The following CTSL variants were observed in gnomAD, a reference collection of about 807,000 sequenced individuals.
CTSL encodes procathepsin L.
In CTSL, 23 loss-of-function variants were observed where a neutral mutation model predicts 34.7. The ratio of observed to expected loss-of-function variants is 0.66; its 90% CI spans 0.48 to 0.94. CTSL has a LOEUF of 0.94. Among genes scored for constraint, CTSL ranks in the 40% least tolerant of loss-of-function variants. The pLI, the probability that CTSL is intolerant of heterozygous loss-of-function variation, is 0.00. For synonymous variants in CTSL, 129 were observed against 136.7 expected, an observed-to-expected ratio of 0.94 and a Z score of 0.39; for missense variants, 361 against 406.3, an observed-to-expected ratio of 0.89 and a Z score of 0.96.
intron 6 of CTSL, 111 bp downstream of exon 6, chr9:87,729,846 A>G: frequency 9.6e-7 from 1 of 1,038,960 alleles, no homozygotes; most frequent in Non-Finnish European, 1.4e-6. Flanking sequence ...TTAGGTGCTT[A>G]GCATCATAGT....
Position 87,728,036 on chromosome 9 carries a change from G to A in CTSL, c.136G>A (p.Gly46Arg). The A allele has an allele frequency of 6.2e-7, 1 of 1,613,736 alleles. No homozygotes were observed. The highest frequency in any genetic ancestry group is 8.5e-7 in the Non-Finnish European group (1 of 1,179,884). The change falls in exon 3 of 8, where the codon GGA (glycine) becomes AGA (arginine). Residue 46 changes from glycine (G) to arginine (R), a missense_variant. Coordinates refer to ENST00000343150, the MANE Select transcript of CTSL (RefSeq NM_001912.5). The stretch of plus-strand genomic sequence containing the variant: ...ACATGTTTGCCTCTAGAATGAAGAA[G>A]GATGGAGGAGAGCAGTGTGGGAGAA... ...HNRLYGMNEE[G>R]WRRAVWEKNM...
In CTSL at chr9:87,731,226, AGT is replaced by A; in HGVS notation, c.*123_*124del. 1.6e-6 allele frequency: 1 copy of A among 622,802 alleles called. No individual in the cohort carries two copies. The highest frequency in any genetic ancestry group is 2.8e-6 in the Non-Finnish European group (1 of 360,524). 38.6% of individuals were successfully genotyped at this position (622,802 alleles called of 1,614,324 possible). A position where few individuals can be genotyped will look rare whatever the true frequency, so the allele number is the denominator to read the frequency against. ...ACACACTCGAATCATTGAAGATCCGAGTGTGATTTGAATTCTGTGATATTTTC... is the reference window on the plus strand; with the variant it reads ...ACACACTCGAATCATTGAAGATCCGAGTGATTTGAATTCTGTGATATTTTC... On this transcript the variant is annotated 3_prime_UTR_variant, in exon 8 of 8. Transcript: ENST00000343150.
intron 1 of CTSL, among the ~76,000 whole-genome samples, chr9:87,726,973 A>G (rs998328871): frequency 8.5e-5 from 13 of 152,164 alleles, no homozygotes; most frequent in Admixed American, 7.9e-4. Flanking sequence ...CGGGAGGCAG[A>G]GGTTGCTGTG....
Position 87,727,646 on chromosome 9 carries a change from G to A in CTSL, c.43G>A (p.Ala15Thr). ...CCTTGCTGCCTTTTGCCTGGGAATT[G>A]CCTCAGCTACTCTAACATTTGATCA... Reference protein sequence around the residue: ...LILAAFCLGIASATLTFDHSL... With the variant: ...LILAAFCLGITSATLTFDHSL... Residue 15 changes from alanine to threonine, a missense_variant, in exon 2 of 8, where the codon GCC becomes ACC. Transcript: ENST00000343150. 1.2e-6 allele frequency: 2 copies of A among 1,614,036 alleles called. No homozygotes were observed. The highest frequency in any genetic ancestry group is 8.5e-7 in the Non-Finnish European group (1 of 1,180,014).
chr9:87,729,081 C>G lies in CTSL; in HGVS notation c.621+272C>G, dbSNP rs1337966615. The G allele has an allele frequency of 3.6e-6, 3 of 833,194 alleles. No individual in the cohort carries two copies. The African/African-American group carries it at 5.1e-5, about 14-fold the overall frequency. 51.6% of individuals were successfully genotyped at this position (833,194 alleles called of 1,614,324 possible). ...GTGTGCGTCTGTGGTCCCAGCTATG[C>G]TGAGGTAGGGCGATTGCTTGAGTGT... On this transcript the variant is annotated intron_variant, in intron 5 of 7. Transcript: ENST00000343150.
chr9:87,726,553 C>T (rs1166572026), intron 1 of CTSL, among the ~76,000 whole-genome samples, 155 bp downstream of exon 1: 1 of 152,208 alleles, frequency 6.6e-6, no homozygotes, highest in Non-Finnish European at 1.5e-5. Context: ...CGTCATGTCC[C>T]CGGCCCTGCC....
In CTSL at chr9:87,728,055, G is replaced by A; in HGVS notation, c.155G>A (p.Trp52Ter). ...MNEEGWRRAV[W>*]EKNMKMIELH... ...GAAGAAGGATGGAGGAGAGCAGTGT[G>A]GGAGAAGAACATGAAGATGATTGAA... The change falls in exon 3 of 8, where the codon TGG becomes TAG. Residue 52 changes from tryptophan (W) to a stop codon, truncating the protein, a stop_gained. Transcript: ENST00000343150. LOFTEE classifies it high-confidence loss of function. 6.2e-7 allele frequency: 1 copy of A among 1,613,894 alleles called. No individual in the cohort carries two copies. The highest frequency in any genetic ancestry group is 8.5e-7 in the Non-Finnish European group (1 of 1,179,890).
At position 87,728,667 on chromosome 9, in the gene CTSL, C is replaced by G. The variant is rs373674686; in HGVS notation, c.479C>G (p.Ser160Ter). 1.2e-6 allele frequency: 2 copies of G among 1,614,064 alleles called. No homozygotes were observed. Among genetic ancestry groups the G allele is most frequent in the South Asian group, 2.2e-5 (2 of 91,066 alleles). ...QMFRKTGRLISLSEQNLVDCS... is the reference protein window; with the variant it reads ...QMFRKTGRLI ...TTCCGGAAAACTGGGAGGCTTATCTCACTGAGTGAGCAGAATCTGGTAGAC... is the reference window on the plus strand; with the variant it reads ...TTCCGGAAAACTGGGAGGCTTATCTGACTGAGTGAGCAGAATCTGGTAGAC... The change falls in exon 5 of 8, where the codon TCA becomes TGA. Residue 160 changes from serine to a stop codon, truncating the protein, a stop_gained. Coordinates refer to ENST00000343150, the MANE Select transcript of CTSL (RefSeq NM_001912.5). LOFTEE classifies it high-confidence loss of function.
intron 7 of CTSL, 21 bp from the exon 8 acceptor site, chr9:87,730,987 G>GAA (rs752164400): frequency 4.7e-5 from 76 of 1,607,924 alleles, no homozygotes; most frequent in Non-Finnish European, 6.3e-5. Flanking sequence ...CTCTGAAATG[G>GAA]AAAACCTGCT....
intron 1 of CTSL, among the ~76,000 whole-genome samples, chr9:87,727,270 G>A (rs189584404): frequency 6.6e-6 from 1 of 152,064 alleles, no homozygotes; most frequent in Non-Finnish European, 1.5e-5. Context: ...ACCGTTTCCC[G>A]GTTTCCTAGT....
intron 2 of CTSL, 26 bp downstream of exon 2, chr9:87,727,755 T>C (rs2118225919): frequency 1.2e-6 from 2 of 1,613,500 alleles, no homozygotes. Flanking sequence ...CCAGAAAGAA[T>C]AGTCCTGGCT....
chr9:87,731,095 C>A lies in CTSL; in HGVS notation c.990C>A (p.Tyr330Ter). 1 of 1,613,486 alleles carries A rather than the reference C, an allele frequency of 6.2e-7. No individual in the cohort carries two copies. Among genetic ancestry groups the A allele is most frequent in the South Asian group, 1.1e-5 (1 of 91,020 alleles). The stretch of plus-strand genomic sequence containing the variant: ...GTGGAATTGCCTCAGCAGCCAGCTA[C>A]CCCACTGTGTGAGCTGGTGGACGGT... Reference protein sequence around the residue: ...NHCGIASAASYPTV With the variant: ...NHCGIASAAS The change falls in exon 8 of 8, where the codon TAC (tyrosine) becomes TAA (stop). Residue 330 changes from tyrosine (Y) to a stop codon, truncating the protein, a stop_gained. Transcript: ENST00000343150. LOFTEE classifies it high-confidence loss of function.
intron 1 of CTSL, among the ~76,000 whole-genome samples, 169 bp from the exon 2 acceptor site, chr9:87,727,425 T>A (rs559973412): frequency 6.6e-5 from 10 of 152,362 alleles, no homozygotes; most frequent in African/African-American, 2.4e-4. Context: ...CCACGTGCCC[T>A]GTTTTTCTCC....
intron 2 of CTSL, 60 bp downstream of exon 2, chr9:87,727,789 T>G: frequency 6.2e-7 from 1 of 1,600,378 alleles, no homozygotes; most frequent in Non-Finnish European, 8.5e-7. Context: ...AGTCAGAGAG[T>G]AGCTTCTAGA....
rs780741294 is a variant in CTSL, at chr9:87,728,875, A to G, written c.621+66A>G. The G allele has an allele frequency of 4.4e-6, 7 of 1,608,318 alleles. No homozygotes were observed. In the Admixed American group the frequency reaches 1.2e-4, roughly 27 times the overall value. ...GAAGGTGGACACTTTAAGAGATAACAGATACCTTTTTCGGAATTCATATAT... is the reference window on the plus strand; with the variant it reads ...GAAGGTGGACACTTTAAGAGATAACGGATACCTTTTTCGGAATTCATATAT... On this transcript the variant is annotated intron_variant, in intron 5 of 7. Coordinates refer to ENST00000343150, the MANE Select transcript of CTSL (RefSeq NM_001912.5).
intron 7 of CTSL, among the ~76,000 whole-genome samples, 186 bp downstream of exon 7, chr9:87,730,684 G>C (rs80047283): frequency 0.01 from 1,597 of 152,336 alleles, 33 homozygotes; most frequent in African/African-American, 0.035. Flanking sequence ...TTGGGAGTAT[G>C]AATATAGTAT....
At position 87,730,445 on chromosome 9, in the gene CTSL, C is replaced by A. The variant is rs190277186; in HGVS notation, c.849C>A (p.Tyr283Ter). The A allele has an allele frequency of 3.1e-6, 5 of 1,612,806 alleles. No individual in the cohort carries two copies. Among genetic ancestry groups the A allele is most frequent in the Admixed American group, 3.3e-5 (2 of 59,790 alleles). Residue 283 changes from tyrosine to a stop codon, truncating the protein, a stop_gained, in exon 7 of 8, where the codon TAC becomes TAA. Transcript: ENST00000343150. LOFTEE classifies it high-confidence loss of function. ...ATCATGGTGTGCTGGTGGTTGGCTA[C>A]GGATTTGAAAGCACAGAATCAGATA... is the stretch of plus-strand genomic sequence containing the variant. ...DMDHGVLVVG[Y>*]GFESTESDNN...
Position 87,731,288 on chromosome 9 carries a change from C to G in CTSL, c.*181C>G, listed in dbSNP as rs892633017. On this transcript the variant is annotated 3_prime_UTR_variant, in exon 8 of 8. Transcript: ENST00000343150. Reference sequence around the variant, plus strand: ...AATGTTACCTCTATTTTAATTACTGCTATAAATAGGTTTATATTATTGATT... The same window carrying G: ...AATGTTACCTCTATTTTAATTACTGGTATAAATAGGTTTATATTATTGATT... 1 of 460,062 alleles carries G rather than the reference C, an allele frequency of 2.2e-6. No individual in the cohort carries two copies. Among genetic ancestry groups the G allele is most frequent in the Non-Finnish European group, 3.9e-6 (1 of 258,562 alleles). 28.5% of individuals were successfully genotyped at this position (460,062 alleles called of 1,614,324 possible).
chr9:87,730,888 T>C (rs958526847), intron 7 of CTSL, 120 bp from the exon 8 acceptor site: 28 of 733,574 alleles, frequency 3.8e-5, no homozygotes, highest in Non-Finnish European at 4.9e-5. Flanking sequence ...GAACATTGCC[T>C]GTCCTGATTC....
Sources: allele counts gnomAD v4.1 joint callset (sites outside exome capture counted in the v4.1 genomes callset), GRCh38; gene constraint gnomAD v4.1.1; transcripts MANE v1.5; gene names NCBI Gene and HGNC (gene_info 2026-07-23, HGNC 2026-07-21).